JAK2: variants seen among roughly 807,000 people sequenced by gnomAD.
JAK2 encodes Janus kinase 2.
In JAK2, 86 loss-of-function variants were observed where a neutral mutation model predicts 139.3. That is an observed-to-expected ratio of 0.62 (90% CI 0.52 to 0.74). JAK2 has a LOEUF of 0.74. Among genes scored for constraint, JAK2 ranks in the 30% least tolerant of loss-of-function variants. JAK2 has a pLI of 0.00. For synonymous variants in JAK2, 490 were observed against 437.7 expected (o/e 1.12, Z -1.49); for missense variants, 1,421 against 1,360.3 (o/e 1.04, Z -0.70).
intron 12 of JAK2, among the ~76,000 whole-genome samples, chr9:5,070,752 C>A (rs180758914): frequency 2.2e-4 from 33 of 151,860 alleles, no homozygotes; most frequent in African/African-American, 7.2e-4. Flanking sequence ...CCTGTGCAGT[C>A]CAAACCCATG....
rs189467862 is a variant in JAK2, at chr9:5,029,235, G to C, written c.227-548G>C. 3.7e-3 allele frequency among the ~76,000 whole-genome samples: 557 copies of C among 152,264 alleles called. 3 individuals carry two copies. Among genetic ancestry groups the C allele is most frequent in the African/African-American group, 0.013 (535 of 41,538 alleles). On this transcript the variant is annotated intron_variant, in intron 3 of 24. Transcript: ENST00000381652. ...TGTCTCAGGGAATAGAGAGGCCTAA[G>C]GAGAGGGAGAGACACAGGAATGGCT...
chr9:5,041,257 C>A (rs1016207001), intron 4 of JAK2: 2 of 1,416,060 alleles, frequency 1.4e-6, no homozygotes, highest in Non-Finnish European at 2.0e-6. Context: ...CCATCCACAT[C>A]ATCGACCTCG....
intron 2 of JAK2, among the ~76,000 whole-genome samples, chr9:5,020,839 G>T (rs1822372881): frequency 6.6e-6 from 1 of 152,120 alleles, no homozygotes; most frequent in African/African-American, 2.4e-5. Context: ...GGGCTCTAGG[G>T]GTGTGGATAT....
At chr9:5,085,340 C>A (rs557772851) in intron 19 of JAK2, 2 of 878,082 alleles carry the variant, frequency 2.3e-6, no homozygotes, top group Non-Finnish European at 3.9e-6. Context: ...AAAGCTATTC[C>A]TACATTTTTT....
In JAK2 at chr9:5,033,962, C is replaced by G. The variant is rs376615156; in HGVS notation, c.350+4056C>G. On this transcript the variant is annotated intron_variant, in intron 4 of 24. Transcript: ENST00000381652. ...CAGACTGGTAAACTGGATAAAGAGT[C>G]AAGACCCATCAGTGTGCTGTATTCA... 3.9e-5 allele frequency among the ~76,000 whole-genome samples: 6 copies of G among 152,282 alleles called. No individual in the cohort carries two copies. In the East Asian group the frequency reaches 9.6e-4, roughly 24 times the overall value.
At position 5,029,838 on chromosome 9, in the gene JAK2, C is replaced by G. The variant is rs1196610367; in HGVS notation, c.282C>G (p.Ile94Met). 2 of 1,610,238 alleles carry G rather than the reference C, an allele frequency of 1.2e-6. No homozygotes were observed. The highest frequency in any genetic ancestry group is 1.7e-5 in the Admixed American group (1 of 59,928). Residue 94 changes from isoleucine (I) to methionine (M), a missense_variant, in exon 4 of 25, where the codon ATC (isoleucine) becomes ATG (methionine). Coordinates refer to ENST00000381652, the MANE Select transcript of JAK2 (RefSeq NM_004972.4). ...CTTTAATGAGTGAAACAGAAAGGAT[C>G]TGGTATCCACCCAACCATGTCTTCC... ...MFALMSETER[I>M]WYPPNHVFHI... is the part of the protein sequence containing the mutation.
chr9:5,105,710 A>C (rs1306897701), intron 22 of JAK2, among the ~76,000 whole-genome samples: 1 of 152,196 alleles, frequency 6.6e-6, no homozygotes, highest in East Asian at 1.9e-4. Flanking sequence ...CTGCTACCCA[A>C]ACAGAGATAG....
intron 22 of JAK2, chr9:5,112,901 CCCAGAACGCCCACTT>C: frequency 3.2e-6 from 1 of 313,012 alleles, no homozygotes; most frequent in Non-Finnish European, 5.7e-6. Flanking sequence ...GTGGGCTGGG[CCCAGAACGCCCACTT>C]GAGGCCCTGG....
intron 13 of JAK2, among the ~76,000 whole-genome samples, chr9:5,073,137 T>C (rs1466525720): frequency 1.3e-5 from 2 of 152,168 alleles, no homozygotes; most frequent in African/African-American, 4.8e-5. Context: ...TGTTAGAAGA[T>C]GATGTGAAAA....
At chr9:5,043,254 C>A (rs1026983312) in intron 4 of JAK2, among the ~76,000 whole-genome samples, 1 of 151,684 alleles carries the variant, frequency 6.6e-6, no homozygotes, top group South Asian at 2.1e-4. Context: ...ACCAAGTGTA[C>A]GGAAATGGCG....
At chr9:5,068,697 G>C (rs1818738646) in intron 10 of JAK2, among the ~76,000 whole-genome samples, 1 of 152,230 alleles carries the variant, frequency 6.6e-6, no homozygotes, top group Non-Finnish European at 1.5e-5. Context: ...CCAGCTCATG[G>C]AAGGCTCTAT....
Position 5,068,255 on chromosome 9 carries a change from A to G in JAK2, c.1327-767A>G, listed in dbSNP as rs1283869668. 1.3e-5 allele frequency among the ~76,000 whole-genome samples: 2 copies of G among 152,274 alleles called. 1 individual carries two copies. The highest frequency in any genetic ancestry group is 1.3e-4 in the Admixed American group (2 of 15,288). ...TGAGGTATTGGTAGATTTTATATAAATGTTTCTGAGTAGAATGAATATGTT... is the reference window on the plus strand; with the variant it reads ...TGAGGTATTGGTAGATTTTATATAAGTGTTTCTGAGTAGAATGAATATGTT... On this transcript the variant is annotated intron_variant, in intron 10 of 24. Coordinates refer to ENST00000381652, the MANE Select transcript of JAK2 (RefSeq NM_004972.4).
chr9:5,090,163 C>T (rs775364772), intron 20 of JAK2, among the ~76,000 whole-genome samples: 40 of 151,892 alleles, frequency 2.6e-4, no homozygotes, highest in Non-Finnish European at 5.2e-4. Flanking sequence ...GTTTTTTGTT[C>T]GATATCAATG....
intron 9 of JAK2, among the ~76,000 whole-genome samples, chr9:5,065,825 T>A (rs1818530167): frequency 6.6e-6 from 1 of 152,174 alleles, no homozygotes; most frequent in South Asian, 2.1e-4. Flanking sequence ...CATATTATGT[T>A]CTTTGCATTT....
intron 6 of JAK2, among the ~76,000 whole-genome samples, chr9:5,051,453 G>GA (rs1817408137): frequency 6.6e-6 from 1 of 152,188 alleles, no homozygotes; most frequent in Non-Finnish European, 1.5e-5. Flanking sequence ...TAAAATCAAA[G>GA]ATTTCTGGGT....
chr9:5,088,116 A>C (rs780583150), intron 19 of JAK2, among the ~76,000 whole-genome samples: 53 of 152,314 alleles, frequency 3.5e-4, no homozygotes, highest in Non-Finnish European at 6.8e-4. Flanking sequence ...ATTATTCTCC[A>C]CTTTAAGGAT....
At chr9:5,111,890 G>C (rs1054306393) in intron 22 of JAK2, 1 of 362,800 alleles carries the variant, frequency 2.8e-6, no homozygotes, top group Admixed American at 3.5e-5. Flanking sequence ...AGCAGCTCTG[G>C]GGACGCCCTC....
chr9:5,000,762 C>A (rs1563917120), intron 2 of JAK2, among the ~76,000 whole-genome samples: 1 of 152,110 alleles, frequency 6.6e-6, no homozygotes, highest in African/African-American at 2.4e-5. Context: ...GAGATACCAT[C>A]TTCTTGTTTG....
rs1383778587 is a variant in JAK2, at chr9:5,080,242, A to T, written c.2145A>T (p.Arg715Ser). 1 of 1,611,976 alleles carries T rather than the reference A, an allele frequency of 6.2e-7. No homozygotes were observed. Among genetic ancestry groups the T allele is most frequent in the Non-Finnish European group, 8.5e-7 (1 of 1,178,972 alleles). ...ATCATTTAAAAGTTCTTCAGGAGAG[A>T]ATACCATGGGTACCACCTGAATGCA... The part of the protein sequence containing the change: ...TVLPKDILQE[R>S]IPWVPPECIE... Residue 715 changes from arginine to serine, a missense_variant, in exon 17 of 25, where the codon AGA becomes AGT. Coordinates refer to ENST00000381652, the MANE Select transcript of JAK2 (RefSeq NM_004972.4).
Sources: gnomAD v4.1 joint callset for allele counts (sites outside exome capture counted in the v4.1 genomes callset) on GRCh38, gnomAD v4.1.1 for gene constraint, MANE v1.5 for transcripts, NCBI Gene and HGNC (gene_info 2026-07-23, HGNC 2026-07-21) for gene names.